Variants in ULK4 observed in about 807,000 individuals in gnomAD.
ULK4 encodes inactive serine/threonine-protein kinase ULK4.
Under a neutral mutation model 160.6 loss-of-function variants are expected in ULK4, and 133 were observed. The ratio of observed to expected loss-of-function variants is 0.83; its 90% CI spans 0.72 to 0.96. The LOEUF (loss-of-function observed/expected upper bound fraction) is 0.96. Ranked by LOEUF, ULK4 falls within the 40% of genes least tolerant of loss-of-function variation. ULK4 has a pLI of 0.00. For missense variants in ULK4, 1,580 were observed against 1,499.5 expected (o/e 1.05, Z -0.89); for synonymous variants, 534 against 539.8 (o/e 0.99, Z 0.15).
intron 29 of ULK4, among the ~76,000 whole-genome samples, chr3:41,673,719 A>G (rs1357278460): frequency 6.6e-6 from 1 of 152,000 alleles, no homozygotes; most frequent in Non-Finnish European, 1.5e-5. Context: ...ACTAAAATAT[A>G]TGTTGGCAAA....
At chr3:41,442,788 G>A (rs1031688825) in intron 34 of ULK4, among the ~76,000 whole-genome samples, 1 of 152,054 alleles carries the variant, frequency 6.6e-6, no homozygotes, top group Non-Finnish European at 1.5e-5. Context: ...GTGTACTTAC[G>A]TGTTGAGGAA....
At chr3:41,308,774 A>C (rs1343008745) in intron 35 of ULK4, among the ~76,000 whole-genome samples, 2 of 152,322 alleles carry the variant, frequency 1.3e-5, no homozygotes, top group East Asian at 3.9e-4. Flanking sequence ...CAGATTTCAG[A>C]TTTTTGGATT....
rs781542540 is a variant in ULK4, at chr3:41,387,517, T to A, written c.3678+10562A>T. ...TAGGTATATCTCCTAATGCTATCCC[T>A]CCCTACTCCCCCAACTCCACAACAG... On this transcript the variant is annotated intron_variant, in intron 35 of 36. Coordinates refer to ENST00000301831, the MANE Select transcript of ULK4 (RefSeq NM_017886.4). 6.9e-4 allele frequency among the ~76,000 whole-genome samples: 105 copies of A among 152,260 alleles called. No homozygotes were observed. The Middle Eastern group carries it at 0.01, about 15-fold the overall frequency.
intron 30 of ULK4, among the ~76,000 whole-genome samples, chr3:41,639,515 G>A (rs1276317965): frequency 1.3e-5 from 2 of 152,132 alleles, no homozygotes; most frequent in Non-Finnish European, 2.9e-5. Context: ...ATCACCTGAG[G>A]TCAGGAGTTC....
intron 32 of ULK4, among the ~76,000 whole-genome samples, chr3:41,515,612 C>T (rs547287966): frequency 3.3e-5 from 5 of 152,292 alleles, no homozygotes; most frequent in African/African-American, 1.2e-4. Flanking sequence ...CAAACACGTC[C>T]TTCTTCACAT....
At chr3:41,751,522 A>AG (rs2038627133) in intron 22 of ULK4, among the ~76,000 whole-genome samples, 2 of 152,194 alleles carry the variant, frequency 1.3e-5, no homozygotes, top group Non-Finnish European at 2.9e-5. Context: ...GTGTTGCTCC[A>AG]GAGACTGAGA....
rs756243749 is a variant in ULK4 at position 41,754,370 on chromosome 3, C to T, written c.2312G>A (p.Cys771Tyr). The T allele has an allele frequency of 1.2e-6, 2 of 1,608,122 alleles. No homozygotes were observed. Among genetic ancestry groups the T allele is most frequent in the Middle Eastern group, 1.7e-4 (1 of 6,038 alleles). ...IYNREMLLLSCQARLVMYIER... is the reference protein window; with the variant it reads ...IYNREMLLLSYQARLVMYIER... ...TCAGAGAAAATCTTACCTTGCTTGG[C>T]AACTGAGCAGCAACATCTCACGGTT... Residue 771 changes from cysteine to tyrosine, a missense_variant, in exon 22 of 37, where the codon TGC (cysteine) becomes TAC (tyrosine). Transcript: ENST00000301831.
chr3:41,637,777 T>C (rs1695559503), intron 30 of ULK4, among the ~76,000 whole-genome samples: 1 of 152,214 alleles, frequency 6.6e-6, no homozygotes, highest in African/African-American at 2.4e-5. Flanking sequence ...TAATCTGCAT[T>C]TCCCTGATGA....
chr3:41,751,937 G>A (rs1276021361), intron 22 of ULK4, among the ~76,000 whole-genome samples: 3 of 152,190 alleles, frequency 2.0e-5, no homozygotes, highest in Non-Finnish European at 2.9e-5. Context: ...CAAATGGAGT[G>A]TGCCCAAAGA....
At chr3:41,516,677 G>A (rs1575342083) in intron 32 of ULK4, among the ~76,000 whole-genome samples, 1 of 144,586 alleles carries the variant, frequency 6.9e-6, no homozygotes, top group East Asian at 2.1e-4. Flanking sequence ...ATGATTACCA[G>A]AGGCTAGGAA....
intron 31 of ULK4, among the ~76,000 whole-genome samples, chr3:41,579,618 C>T (rs899909941): frequency 1.3e-5 from 2 of 151,026 alleles, no homozygotes; most frequent in African/African-American, 4.9e-5. Flanking sequence ...CTCAGCCTCC[C>T]GTGTAGCTGG....
At chr3:41,337,308 C>G (rs2080581765) in intron 35 of ULK4, among the ~76,000 whole-genome samples, 2 of 151,940 alleles carry the variant, frequency 1.3e-5, no homozygotes, top group South Asian at 4.2e-4. Flanking sequence ...TGAAAGACTC[C>G]CTGTATGAGG....
intron 1 of ULK4, among the ~76,000 whole-genome samples, chr3:41,956,005 A>C (rs926401660): frequency 6.6e-6 from 1 of 152,148 alleles, no homozygotes; most frequent in Non-Finnish European, 1.5e-5. Context: ...GCTGTTTCAC[A>C]CTGACTTCCT....
intron 32 of ULK4, among the ~76,000 whole-genome samples, chr3:41,470,783 T>C (rs1026956552): frequency 1.3e-5 from 2 of 152,138 alleles, no homozygotes; most frequent in African/African-American, 4.8e-5. Context: ...AAACAGACTG[T>C]TATAAGATGT....
intron 31 of ULK4, among the ~76,000 whole-genome samples, chr3:41,571,375 T>C (rs2125612353): frequency 1.3e-5 from 2 of 152,360 alleles, no homozygotes; most frequent in African/African-American, 4.8e-5. Flanking sequence ...GGTGTAAATG[T>C]GAATTAAGCA....
intron 21 of ULK4, among the ~76,000 whole-genome samples, chr3:41,767,319 C>A (rs2039200207): frequency 6.6e-6 from 1 of 152,242 alleles, no homozygotes; most frequent in African/African-American, 2.4e-5. Context: ...GATCCAGAGA[C>A]AGACACTGAA....
At chr3:41,859,619 C>G in intron 17 of ULK4, 4 of 491,492 alleles carry the variant, frequency 8.1e-6, no homozygotes. Flanking sequence ...CTGCCAGCCT[C>G]TGCCCCACCG....
At chr3:41,650,830 G>C (rs2034711106) in intron 30 of ULK4, among the ~76,000 whole-genome samples, 1 of 152,220 alleles carries the variant, frequency 6.6e-6, no homozygotes, top group East Asian at 1.9e-4. Flanking sequence ...ATTTATAAAA[G>C]CAGGTGGTGG....
intron 34 of ULK4, among the ~76,000 whole-genome samples, chr3:41,415,133 G>A (rs539029903): frequency 2.0e-5 from 3 of 152,184 alleles, no homozygotes; most frequent in South Asian, 2.1e-4. Flanking sequence ...CAAAAGAAGC[G>A]GAAAGCATCA....
Sources: allele counts gnomAD v4.1 joint callset (sites outside exome capture counted in the v4.1 genomes callset), GRCh38; gene constraint gnomAD v4.1.1; transcripts MANE v1.5; gene names NCBI Gene and HGNC (gene_info 2026-07-23, HGNC 2026-07-21).